The following CIT variants were observed in gnomAD, a reference collection of about 807,000 sequenced individuals.
The protein encoded by CIT is citron rho-interacting serine/threonine kinase.
In CIT, 79 loss-of-function variants were observed where a neutral mutation model predicts 272.7. The ratio of observed to expected loss-of-function variants is 0.29; its 90% CI spans 0.24 to 0.35. The LOEUF is 0.35. Ranked by LOEUF, CIT falls within the 10% of genes least tolerant of loss-of-function variation. The pLI, the probability that CIT is intolerant of heterozygous loss-of-function variation, is 1.00. For synonymous variants in CIT, 948 were observed against 995.6 expected, an observed-to-expected ratio of 0.95 and a Z score of 0.90; for missense variants, 1,909 against 2,618.3, an observed-to-expected ratio of 0.73 and a Z score of 5.91.
intron 28 of CIT, among the ~76,000 whole-genome samples, chr12:119,726,219 A>T (rs1306643316): frequency 1.3e-5 from 2 of 151,282 alleles, no homozygotes; most frequent in Non-Finnish European, 2.9e-5. Context: ...TTTCATTTTA[A>T]TTTTTAATTT....
intron 9 of CIT, among the ~76,000 whole-genome samples, chr12:119,821,975 G>A (rs376666739): frequency 6.6e-6 from 1 of 152,206 alleles, no homozygotes; most frequent in Non-Finnish European, 1.5e-5. Context: ...AGCTGAAGGT[G>A]CAAGCAATTA....
Position 119,720,493 on chromosome 12 carries a change from A to G in CIT, c.3825T>C (p.Pro1275=), listed in dbSNP as rs1322846325. Residue 1275 remains proline (P), a synonymous_variant, in exon 30 of 48, where the codon CCT becomes CCC. Coordinates refer to ENST00000392521, the MANE Select transcript of CIT (RefSeq NM_001206999.2). ...IDFLQAKMDQ[P]AKKKKGLFSR... ...TTTGACTCACCTTTTTCTTTTTAGC[A>G]GGTTGGTCCATTTTGGCTTGCAGAA... The G allele has an allele frequency of 1.9e-6, 3 of 1,605,840 alleles. No individual in the cohort carries two copies. Among genetic ancestry groups the G allele is most frequent in the Non-Finnish European group, 2.5e-6 (3 of 1,177,690 alleles).
intron 24 of CIT, among the ~76,000 whole-genome samples, chr12:119,739,284 A>G (rs761603211): frequency 2.0e-5 from 3 of 152,230 alleles, no homozygotes; most frequent in Non-Finnish European, 4.4e-5. Context: ...GCCAGATTGA[A>G]TCAAATCCTT....
chr12:119,689,664 C>CTA (rs1565887334), intron 47 of CIT, among the ~76,000 whole-genome samples: 3 of 102,072 alleles, frequency 2.9e-5, no homozygotes, highest in African/African-American at 1.1e-4. Context: ...GCTTAGGAAG[C>CTA]TCTTTTTTTT....
intron 32 of CIT, among the ~76,000 whole-genome samples, chr12:119,716,196 G>A (rs1957461256): frequency 6.6e-6 from 1 of 151,772 alleles, no homozygotes; most frequent in Non-Finnish European, 1.5e-5. Flanking sequence ...TGGCCAACAT[G>A]GTGAAACCCT....
At chr12:119,797,274 A>T (rs1285716281) in intron 10 of CIT, among the ~76,000 whole-genome samples, 1 of 152,252 alleles carries the variant, frequency 6.6e-6, no homozygotes, top group African/African-American at 2.4e-5. Flanking sequence ...TGTCTGGATT[A>T]GATTTCCTAA....
At chr12:119,779,263 CTGTA>C (rs1964070317) in intron 13 of CIT, among the ~76,000 whole-genome samples, 1 of 151,962 alleles carries the variant, frequency 6.6e-6, no homozygotes, top group Admixed American at 6.6e-5. Flanking sequence ...AGAACATGAG[CTGTA>C]TGTGAAATGG....
intron 13 of CIT, among the ~76,000 whole-genome samples, chr12:119,779,594 C>T (rs866953544): frequency 2.0e-5 from 3 of 152,290 alleles, no homozygotes; most frequent in Admixed American, 1.3e-4. Context: ...AAATCTTGAG[C>T]ATCTTTTGTC....
At chr12:119,750,052 GA>G (rs1164005882) in intron 23 of CIT, among the ~76,000 whole-genome samples, 1 of 152,172 alleles carries the variant, frequency 6.6e-6, no homozygotes, top group Admixed American at 6.5e-5. Flanking sequence ...CCCCTGGGGA[GA>G]AAAAGCTAAA....
chr12:119,877,041 A>T (rs190800679), intron 1 of CIT, among the ~76,000 whole-genome samples: 1 of 152,104 alleles, frequency 6.6e-6, no homozygotes, highest in East Asian at 1.9e-4. Flanking sequence ...CCCCAGCACC[A>T]CTCGGCTGAC....
At chr12:119,800,056 T>C (rs1794941192) in intron 10 of CIT, among the ~76,000 whole-genome samples, 1 of 152,052 alleles carries the variant, frequency 6.6e-6, no homozygotes, top group Non-Finnish European at 1.5e-5. Flanking sequence ...AATGTACCCC[T>C]TGCTAATGGG....
Position 119,804,638 on chromosome 12 carries a change from T to A in CIT, c.1112-1249A>T, listed in dbSNP as rs1299043255. On this transcript the variant is annotated intron_variant, in intron 9 of 47. Coordinates refer to ENST00000392521, the MANE Select transcript of CIT (RefSeq NM_001206999.2). The surrounding 1 kb of genome is among the most constrained non-coding windows in gnomAD (Gnocchi z 5.3). Reference sequence around the variant, plus strand: ...CCAGATATGAGCAGCAAGCAGTCTGTTTTCTGCTTACAGACTCCAAAAAAA... The same window carrying A: ...CCAGATATGAGCAGCAAGCAGTCTGATTTCTGCTTACAGACTCCAAAAAAA... 3.2e-6 allele frequency: 1 copy of A among 315,930 alleles called. No homozygotes were observed. Among genetic ancestry groups the A allele is most frequent in the Non-Finnish European group, 4.6e-6 (1 of 217,868 alleles). The allele number at this position is 315,930 out of a possible 1,614,324, so 19.6% of individuals were successfully genotyped here.
chr12:119,834,365 TA>T lies in CIT; in HGVS notation c.517-138del. On this transcript the variant is annotated intron_variant, in intron 5 of 47. Transcript: ENST00000392521. ...CAAAGAAGATGTGTAAGGCACGCTG[TA>T]AGTCATGTAGGATGAAGTCCCTGCC... is the stretch of plus-strand genomic sequence containing the variant. The T allele has an allele frequency of 9.5e-6, 7 of 733,140 alleles. No homozygotes were observed. In the South Asian group the frequency reaches 1.4e-4, roughly 15 times the overall value. 45.4% of individuals were successfully genotyped at this position (733,140 alleles called of 1,614,324 possible).
chr12:119,875,724 G>C (rs568167939), intron 2 of CIT, among the ~76,000 whole-genome samples: 1 of 152,168 alleles, frequency 6.6e-6, no homozygotes, highest in Non-Finnish European at 1.5e-5. Context: ...GTTCATGCCT[G>C]TAATCCCAGC....
chr12:119,825,217 G>C lies in CIT; in HGVS notation c.905C>G (p.Pro302Arg), dbSNP rs1471771391. ...IAYEMIYGRS[P>R]FAEGTSARTF... is the part of the protein sequence containing the mutation. ...TCTGGCAGAGGTTCCCTCTGCGAAG[G>C]GGGATCTCCCATAAATCATCTCATA... is the stretch of plus-strand genomic sequence containing the variant. The change falls in exon 8 of 48, where the codon CCC becomes CGC. Residue 302 changes from proline (P) to arginine (R), a missense_variant. Coordinates refer to ENST00000392521, the MANE Select transcript of CIT (RefSeq NM_001206999.2). 1 of 1,614,062 alleles carries C rather than the reference G, an allele frequency of 6.2e-7. No homozygotes were observed. The highest frequency in any genetic ancestry group is 8.5e-7 in the Non-Finnish European group (1 of 1,180,006).
At chr12:119,724,557 T>C (rs1324260156) in intron 28 of CIT, among the ~76,000 whole-genome samples, 1 of 152,152 alleles carries the variant, frequency 6.6e-6, no homozygotes, top group African/African-American at 2.4e-5. Flanking sequence ...GAAGGGATCT[T>C]CTACCTTGGA....
intron 8 of CIT, among the ~76,000 whole-genome samples, chr12:119,824,227 A>AG (rs1014142773): frequency 1.3e-5 from 2 of 151,442 alleles, no homozygotes; most frequent in African/African-American, 4.8e-5. Context: ...GTTAGTACTA[A>AG]GAAGGAGTAT....
At chr12:119,766,033 G>A (rs1191404334) in intron 19 of CIT, among the ~76,000 whole-genome samples, 2 of 152,120 alleles carry the variant, frequency 1.3e-5, no homozygotes, top group South Asian at 2.1e-4. Flanking sequence ...TGTGGTATAC[G>A]GACACATGGC....
Position 119,718,987 on chromosome 12 carries a change from G to T in CIT, c.3841-126C>A. 1 of 930,914 alleles carries T rather than the reference G, an allele frequency of 1.1e-6. No individual in the cohort carries two copies. Among genetic ancestry groups the T allele is most frequent in the Non-Finnish European group, 1.6e-6 (1 of 621,388 alleles). The allele number at this position is 930,914 out of a possible 1,614,324, so 57.7% of individuals were successfully genotyped here. A position where few individuals can be genotyped will look rare whatever the true frequency, so the allele number is the denominator to read the frequency against. ...AGCATACTCACTGTAAGTGTATTTA[G>T]TAAAAATGGCATGTGAAGGGGGGGA... On this transcript the variant is annotated intron_variant, in intron 30 of 47. Coordinates refer to ENST00000392521, the MANE Select transcript of CIT (RefSeq NM_001206999.2). This position sits in a 1 kb window ranked among gnomAD's most constrained non-coding sequence, Gnocchi z 4.8.
Sources: allele counts gnomAD v4.1 joint callset (sites outside exome capture counted in the v4.1 genomes callset), GRCh38; gene constraint gnomAD v4.1.1; non-coding constraint Gnocchi (gnomAD v3.1); transcripts MANE v1.5; gene names NCBI Gene and HGNC (gene_info 2026-07-23, HGNC 2026-07-21).